BCHE: variants seen among roughly 807,000 people sequenced by gnomAD.
BCHE encodes the protein cholinesterase.
A neutral mutation model predicts 51.3 loss-of-function variants in BCHE; 48 were observed. The ratio of observed to expected loss-of-function variants is 0.94; its 90% confidence interval spans 0.74 to 1.19. BCHE has a LOEUF of 1.19. Ranked by LOEUF, BCHE falls within the 50% of genes most tolerant of loss-of-function variation. BCHE has a pLI of 0.00. For synonymous variants in BCHE, 251 were observed against 238.0 expected (o/e 1.05, Z -0.50); for missense variants, 847 against 708.2 (o/e 1.20, Z -2.23).
chr3:165,800,083 G>A (rs1713579992), intron 2 of BCHE, among the ~76,000 whole-genome samples: 1 of 151,796 alleles, frequency 6.6e-6, no homozygotes, highest in South Asian at 2.1e-4. Context: ...AATTATTTCA[G>A]GTAACAATTT....
At chr3:165,774,772 A>G (rs1237341383) in intron 3 of BCHE, among the ~76,000 whole-genome samples, 1 of 152,178 alleles carries the variant, frequency 6.6e-6, no homozygotes, top group Non-Finnish European at 1.5e-5. Flanking sequence ...AAGTATATGC[A>G]TGTGTTAGGA....
At chr3:165,807,582 T>C (rs185592934) in intron 2 of BCHE, among the ~76,000 whole-genome samples, 285 of 151,992 alleles carry the variant, frequency 1.9e-3, no homozygotes, top group African/African-American at 6.7e-3. Flanking sequence ...GACAGAGTCT[T>C]ATTCTGTCAC....
chr3:165,786,053 A>C (rs2108202287), intron 3 of BCHE, 92 bp downstream of exon 3: 1 of 1,331,276 alleles, frequency 7.5e-7, no homozygotes, highest in South Asian at 1.2e-5. Context: ...TACATATAGT[A>C]ACTCCATCAC....
chr3:165,801,358 C>A (rs1713636787), intron 2 of BCHE, among the ~76,000 whole-genome samples: 1 of 152,270 alleles, frequency 6.6e-6, no homozygotes, highest in East Asian at 1.9e-4. Context: ...ACCTTGGAAA[C>A]AATCTCATGA....
intron 2 of BCHE, among the ~76,000 whole-genome samples, chr3:165,811,917 G>A (rs1019737182): frequency 1.3e-5 from 2 of 151,912 alleles, no homozygotes; most frequent in Non-Finnish European, 2.9e-5. Flanking sequence ...CCATTTCAAA[G>A]CATATCTAGC....
At chr3:165,808,826 A>G (rs1713971182) in intron 2 of BCHE, among the ~76,000 whole-genome samples, 1 of 152,172 alleles carries the variant, frequency 6.6e-6, no homozygotes, top group African/African-American at 2.4e-5. Context: ...CAAAAAGACT[A>G]ATTTTGAATC....
chr3:165,834,418 A>C (rs2108238704), intron 1 of BCHE, among the ~76,000 whole-genome samples: 1 of 152,132 alleles, frequency 6.6e-6, no homozygotes, highest in African/African-American at 2.4e-5. Flanking sequence ...ATGACAATAT[A>C]ATGCTAACTC....
intron 3 of BCHE, among the ~76,000 whole-genome samples, chr3:165,785,234 A>G (rs775133372): frequency 1.3e-5 from 2 of 151,856 alleles, no homozygotes; most frequent in Non-Finnish European, 2.9e-5. Context: ...ACAGCCTGAA[A>G]ATTACAGATC....
intron 2 of BCHE, among the ~76,000 whole-genome samples, chr3:165,799,890 T>G (rs1713571729): frequency 6.6e-6 from 1 of 152,100 alleles, no homozygotes; most frequent in Admixed American, 6.6e-5. Context: ...AAATGCCATA[T>G]TTTTCCACAA....
intron 2 of BCHE, among the ~76,000 whole-genome samples, chr3:165,815,724 T>C (rs535573742): frequency 6.2e-4 from 94 of 152,166 alleles, no homozygotes; most frequent in South Asian, 2.3e-3. Context: ...GTATATTCTT[T>C]AAGGACAAGT....
At chr3:165,780,470 G>A (rs1033557905) in intron 3 of BCHE, among the ~76,000 whole-genome samples, 1 of 152,078 alleles carries the variant, frequency 6.6e-6, no homozygotes, top group African/African-American at 2.4e-5. Flanking sequence ...AGAGTGAACA[G>A]GCAACCTACA....
At position 165,830,012 on chromosome 3, in the gene BCHE, T is replaced by C. The variant is rs759686297; in HGVS notation, c.1022A>G (p.Lys341Arg). 2 of 1,613,838 alleles carry C rather than the reference T, an allele frequency of 1.2e-6. No homozygotes were observed. The highest frequency in any genetic ancestry group is 1.7e-6 in the Non-Finnish European group (2 of 1,179,890). The stretch of plus-strand genomic sequence containing the variant: ...AACACCCACCAAAATCTGGGTTTTT[T>C]TAAATTGTCCAAGTTCAAGTAATAT... ...PDILLELGQF[K>R]KTQILVGVNK... Residue 341 changes from lysine (K) to arginine (R), a missense_variant, in exon 2 of 4, where the codon AAA (lysine) becomes AGA (arginine). Lys to Arg is a conservative substitution (Grantham distance 26, BLOSUM62 2). Coordinates refer to ENST00000264381, the MANE Select transcript of BCHE (RefSeq NM_000055.4).
intron 2 of BCHE, among the ~76,000 whole-genome samples, chr3:165,787,855 A>C (rs767835305): frequency 6.6e-6 from 1 of 151,966 alleles, no homozygotes; most frequent in Non-Finnish European, 1.5e-5. Flanking sequence ...AATATTTTAG[A>C]AATATTGATC....
chr3:165,781,933 T>G (rs907332723), intron 3 of BCHE, among the ~76,000 whole-genome samples: 4 of 152,142 alleles, frequency 2.6e-5, no homozygotes, highest in African/African-American at 9.7e-5. Context: ...AAATGTGAAT[T>G]TGTATGATAC....
intron 2 of BCHE, among the ~76,000 whole-genome samples, chr3:165,829,011 G>C (rs776621638): frequency 9.2e-5 from 14 of 152,098 alleles, no homozygotes; most frequent in Non-Finnish European, 1.9e-4. Context: ...CAATACAATG[G>C]CAAATGTATA....
chr3:165,775,849 C>T (rs552315622), intron 3 of BCHE, among the ~76,000 whole-genome samples: 3 of 151,852 alleles, frequency 2.0e-5, no homozygotes, highest in Non-Finnish European at 2.9e-5. Flanking sequence ...GTGAATACAC[C>T]GTAATGAGTA....
At chr3:165,791,817 T>A (rs1009676319) in intron 2 of BCHE, among the ~76,000 whole-genome samples, 9 of 151,500 alleles carry the variant, frequency 5.9e-5, no homozygotes, top group Admixed American at 2.0e-4. Flanking sequence ...CCCGATATGA[T>A]CATGCCTGTG....
intron 3 of BCHE, among the ~76,000 whole-genome samples, chr3:165,776,802 G>A (rs547440448): frequency 7.3e-4 from 111 of 151,716 alleles, no homozygotes; most frequent in African/African-American, 1.3e-3. Flanking sequence ...AGATTCTTAT[G>A]TAGAGAGTAA....
At chr3:165,833,994 T>C (rs748062031) in intron 1 of BCHE, among the ~76,000 whole-genome samples, 18 of 152,234 alleles carry the variant, frequency 1.2e-4, no homozygotes, top group Middle Eastern at 6.8e-3. Flanking sequence ...TTTATTTGAA[T>C]ATTAGTTTGT....
Sources: allele counts gnomAD v4.1 joint callset (sites outside exome capture counted in the v4.1 genomes callset), GRCh38; gene constraint gnomAD v4.1.1; transcripts MANE v1.5; gene names NCBI Gene and HGNC (gene_info 2026-07-23, HGNC 2026-07-21).